LRRC20: variants seen among roughly 807,000 people sequenced by gnomAD.
LRRC20 encodes leucine-rich repeat-containing protein 20.
Under a neutral mutation model 14.4 loss-of-function variants are expected in LRRC20, and 11 were observed. The observed-to-expected ratio is 0.77, with a 90% CI of 0.48 to 1.27. LRRC20 has a LOEUF of 1.27. Ranked by LOEUF, LRRC20 falls within the 50% of genes most tolerant of loss-of-function variation. The probability of loss-of-function intolerance (pLI) is 0.00; values close to 1 mark genes in which losing one functional copy is unlikely to be tolerated. For synonymous variants in LRRC20, 121 were observed against 107.3 expected, an observed-to-expected ratio of 1.13 and a Z score of -0.79; for missense variants, 219 against 251.2, an observed-to-expected ratio of 0.87 and a Z score of 0.87.
At chr10:70,330,765 G>T (rs1249744741) in intron 3 of LRRC20, among the ~76,000 whole-genome samples, 2 of 152,202 alleles carry the variant, frequency 1.3e-5, no homozygotes, top group African/African-American at 4.8e-5. Context: ...GCCCAGCAGG[G>T]TCTCTGAGTT....
At chr10:70,304,087 T>C (rs1274978182) in intron 4 of LRRC20, among the ~76,000 whole-genome samples, 1 of 152,178 alleles carries the variant, frequency 6.6e-6, no homozygotes, top group Admixed American at 6.5e-5. Flanking sequence ...TAACCTGTTA[T>C]AGTTCCTCCC....
intron 4 of LRRC20, among the ~76,000 whole-genome samples, chr10:70,323,440 G>A (rs1842176213): frequency 6.6e-6 from 1 of 152,182 alleles, no homozygotes; most frequent in Non-Finnish European, 1.5e-5. Flanking sequence ...GAGAGGCTGT[G>A]CTGAACATGG....
intron 2 of LRRC20, among the ~76,000 whole-genome samples, chr10:70,364,902 G>A (rs1589120492): frequency 6.6e-6 from 1 of 152,040 alleles, no homozygotes; most frequent in Non-Finnish European, 1.5e-5. Context: ...ACCCTGCCAG[G>A]CAATGCCCCT....
Position 70,300,416 on chromosome 10 carries a change from T to A in LRRC20, c.*938A>T. Reference sequence around the variant, plus strand: ...GTCATCAGGGCTTTGGGCGTTGGCCTGGGAGCTGGCTGGCTACAAATCCCG... The same window carrying A: ...GTCATCAGGGCTTTGGGCGTTGGCCAGGGAGCTGGCTGGCTACAAATCCCG... On this transcript the variant is annotated 3_prime_UTR_variant, in exon 5 of 5. Coordinates refer to ENST00000446961, the MANE Select transcript of LRRC20 (RefSeq NM_001278212.2). The A allele has an allele frequency of 2.0e-6, 2 of 985,564 alleles. No homozygotes were observed. The highest frequency in any genetic ancestry group is 9.4e-5 in the South Asian group (2 of 21,284). 61.1% of individuals were successfully genotyped at this position (985,564 alleles called of 1,614,324 possible).
chr10:70,330,434 C>T (rs546364781), intron 3 of LRRC20, among the ~76,000 whole-genome samples: 2 of 151,066 alleles, frequency 1.3e-5, no homozygotes, highest in African/African-American at 4.8e-5. Context: ...TGAGTGGGAA[C>T]CAAACCATGG....
chr10:70,303,639 T>C (rs1841297211), intron 4 of LRRC20, among the ~76,000 whole-genome samples: 1 of 152,198 alleles, frequency 6.6e-6, no homozygotes, highest in Non-Finnish European at 1.5e-5. Flanking sequence ...GTGTAATAAA[T>C]ATAAAGATAG....
At chr10:70,316,817 C>T (rs963096845) in intron 4 of LRRC20, among the ~76,000 whole-genome samples, 3 of 152,256 alleles carry the variant, frequency 2.0e-5, no homozygotes, top group Admixed American at 2.0e-4. Flanking sequence ...CTAACACAAT[C>T]GATGCCTGCA....
chr10:70,301,314 T>C lies in LRRC20; in HGVS notation c.*40A>G, dbSNP rs999122588. 4 of 1,592,154 alleles carry C rather than the reference T, an allele frequency of 2.5e-6. No homozygotes were observed. Among genetic ancestry groups the C allele is most frequent in the South Asian group, 1.1e-5 (1 of 88,634 alleles). ...CCTCCCTTCCAGGGTTCCAGGCCTG[T>C]GGCCTCTGCCCCTTGCTGGGTGGGC... On this transcript the variant is annotated 3_prime_UTR_variant, in exon 5 of 5. Coordinates refer to ENST00000446961, the MANE Select transcript of LRRC20 (RefSeq NM_001278212.2).
chr10:70,327,648 G>A (rs1465596597), intron 3 of LRRC20, among the ~76,000 whole-genome samples: 2 of 151,640 alleles, frequency 1.3e-5, no homozygotes, highest in Non-Finnish European at 2.9e-5. Flanking sequence ...TACTACATTC[G>A]AGGCACTTGT....
intron 2 of LRRC20, among the ~76,000 whole-genome samples, chr10:70,357,919 G>A (rs2137087703): frequency 6.6e-6 from 1 of 152,316 alleles, no homozygotes; most frequent in East Asian, 1.9e-4. Flanking sequence ...GAGGCCACGT[G>A]GCCAAGCCAG....
chr10:70,338,706 G>A (rs1842800908), intron 3 of LRRC20, among the ~76,000 whole-genome samples: 1 of 152,170 alleles, frequency 6.6e-6, no homozygotes, highest in Non-Finnish European at 1.5e-5. Flanking sequence ...TGTCACCCAG[G>A]CTGGAGTGCA....
chr10:70,314,431 A>G (rs1841783579), intron 4 of LRRC20, among the ~76,000 whole-genome samples: 1 of 152,054 alleles, frequency 6.6e-6, no homozygotes, highest in South Asian at 2.1e-4. Context: ...ATTCTCTCCC[A>G]TCCTCTGGCT....
intron 4 of LRRC20, among the ~76,000 whole-genome samples, chr10:70,310,844 G>A (rs1275862188): frequency 6.6e-6 from 1 of 152,188 alleles, no homozygotes; most frequent in African/African-American, 2.4e-5. Flanking sequence ...GTGGACCAAC[G>A]CTATGATAAG....
intron 2 of LRRC20, among the ~76,000 whole-genome samples, chr10:70,351,903 T>C (rs1265522474): frequency 6.6e-6 from 1 of 152,228 alleles, no homozygotes. Context: ...AGGATTGTTA[T>C]GAAGACTTAA....
At chr10:70,303,914 TTAGA>T (rs1438543148) in intron 4 of LRRC20, among the ~76,000 whole-genome samples, 4 of 152,176 alleles carry the variant, frequency 2.6e-5, no homozygotes, top group Admixed American at 6.5e-5. Context: ...TATTTTGGAA[TTAGA>T]TAGAGGTGAT....
At chr10:70,381,743 C>T (rs932005174) in intron 1 of LRRC20, 16 of 152,238 alleles carry the variant, frequency 1.1e-4, no homozygotes, top group African/African-American at 3.9e-4. Context: ...CCCAAATAGT[C>T]CCAAACCCCC....
intron 2 of LRRC20, among the ~76,000 whole-genome samples, chr10:70,366,963 C>A (rs1844022228): frequency 6.6e-6 from 1 of 152,036 alleles, no homozygotes; most frequent in Non-Finnish European, 1.5e-5. Context: ...GGAACCAATC[C>A]CCTCAGATAT....
chr10:70,348,301 G>A (rs969167038), intron 2 of LRRC20, among the ~76,000 whole-genome samples: 1 of 152,180 alleles, frequency 6.6e-6, no homozygotes, highest in Non-Finnish European at 1.5e-5. Context: ...CCTGCTGGGA[G>A]GAGAGGTCCA....
chr10:70,351,562 G>A lies in LRRC20; in HGVS notation c.83-10860C>T, dbSNP rs552816742. Reference sequence around the variant, plus strand: ...CTGCATGGCAATCCTTCACATAAATGATGACAAAGGACATTATAAACATTT... The same window carrying A: ...CTGCATGGCAATCCTTCACATAAATAATGACAAAGGACATTATAAACATTT... On this transcript the variant is annotated intron_variant, in intron 2 of 4. Transcript: ENST00000446961. 3.3e-5 allele frequency among the ~76,000 whole-genome samples: 5 copies of A among 152,244 alleles called. No homozygotes were observed. In the South Asian group the frequency reaches 1.0e-3, roughly 32 times the overall value.
Sources: gnomAD v4.1 joint callset for allele counts (sites outside exome capture counted in the v4.1 genomes callset) on GRCh38, gnomAD v4.1.1 for gene constraint, MANE v1.5 for transcripts, NCBI Gene and HGNC (gene_info 2026-07-23, HGNC 2026-07-21) for gene names.